TPO: variants seen among roughly 807,000 people sequenced by gnomAD.
TPO encodes the protein thyroid microsomal antigen.
A neutral mutation model predicts 96.9 loss-of-function variants in TPO; 78 were observed. That is an observed-to-expected ratio of 0.81 (90% CI 0.67 to 0.97). The LOEUF (loss-of-function observed/expected upper bound fraction) is 0.97, where lower values mean the gene tolerates loss of function less well. TPO is among the 50% of genes least tolerant of loss of function. The pLI, the probability that TPO is intolerant of heterozygous loss-of-function variation, is 0.00. For missense variants in TPO, 1,252 were observed against 1,274.8 expected (o/e 0.98, Z 0.27); for synonymous variants, 547 against 538.0 (o/e 1.02, Z -0.23).
chr2:1,419,611 TGGCAA>T (rs937406560), intron 2 of TPO, among the ~76,000 whole-genome samples: 20 of 152,204 alleles, frequency 1.3e-4, no homozygotes, highest in African/African-American at 4.8e-4. Flanking sequence ...GGCATTTGTG[TGGCAA>T]ACCTCTGCAG....
chr2:1,518,505 G>T (rs1674936314), intron 15 of TPO, among the ~76,000 whole-genome samples: 1 of 152,212 alleles, frequency 6.6e-6, no homozygotes, highest in African/African-American at 2.4e-5. Flanking sequence ...CTGAGATATG[G>T]TAGTAAAGCC....
chr2:1,488,372 A>G (rs1200343875), intron 10 of TPO, among the ~76,000 whole-genome samples: 4 of 152,152 alleles, frequency 2.6e-5, no homozygotes, highest in South Asian at 2.1e-4. Context: ...AAGGTCCCAG[A>G]GCCTGCAAAG....
At position 1,542,731 on chromosome 2, in the gene TPO, A is replaced by G. The variant is rs1362585245; in HGVS notation, c.*257A>G. ...ATTAAAATGTATTTACAGATTACAC[A>G]TCTTTATTTTGTGAACCCTGGAAAC... On this transcript the variant is annotated 3_prime_UTR_variant, in exon 17 of 17. Coordinates refer to ENST00000329066, the MANE Select transcript of TPO (RefSeq NM_001206744.2). 2 of 1,073,556 alleles carry G rather than the reference A, an allele frequency of 1.9e-6. No individual in the cohort carries two copies. The highest frequency in any genetic ancestry group is 2.6e-6 in the Non-Finnish European group (2 of 758,270). 66.5% of individuals were successfully genotyped at this position (1,073,556 alleles called of 1,614,324 possible). A position where few individuals can be genotyped will look rare whatever the true frequency, so the allele number is the denominator to read the frequency against.
chr2:1,398,166 C>T (rs1662114281), intron 1 of TPO, among the ~76,000 whole-genome samples: 1 of 152,168 alleles, frequency 6.6e-6, no homozygotes, highest in Admixed American at 6.5e-5. Flanking sequence ...AGGACTGTGG[C>T]CAGGGCTTCT....
chr2:1,452,563 G>T (rs1667403556), intron 5 of TPO, among the ~76,000 whole-genome samples: 1 of 152,202 alleles, frequency 6.6e-6, no homozygotes, highest in South Asian at 2.1e-4. Context: ...CTAGAAACCT[G>T]CTCCTGTGAC....
chr2:1,482,152 A>T lies in TPO; in HGVS notation c.1339-2444A>T, dbSNP rs562019559. Among the ~76,000 whole-genome samples, 26 of 152,324 alleles carry T rather than the reference A, an allele frequency of 1.7e-4. No homozygotes were observed. The South Asian group carries it at 5.4e-3, about 32-fold the overall frequency. ...AGTCGAGAGTCAGAAAGTTCAGAGG[A>T]GCCTGTGCCAGGGGCTACGCGGCTG... On this transcript the variant is annotated intron_variant, in intron 8 of 16. Transcript: ENST00000329066.
intron 1 of TPO, among the ~76,000 whole-genome samples, chr2:1,381,802 G>A (rs1661814811): frequency 1.3e-5 from 2 of 152,152 alleles, no homozygotes; most frequent in South Asian, 4.1e-4. Context: ...CATGTAGTTT[G>A]GACATGCGCC....
intron 1 of TPO, among the ~76,000 whole-genome samples, chr2:1,397,951 C>G (rs1662109745): frequency 1.3e-5 from 2 of 152,200 alleles, no homozygotes; most frequent in South Asian, 4.1e-4. Flanking sequence ...TCCAAATATG[C>G]ACCTTGTGCA....
At chr2:1,524,065 C>A (rs1267763740) in intron 15 of TPO, among the ~76,000 whole-genome samples, 6 of 123,970 alleles carry the variant, frequency 4.8e-5, no homozygotes, top group Non-Finnish European at 8.2e-5. Flanking sequence ...GCAACAACAC[C>A]AAATCCTGCC....
intron 15 of TPO, among the ~76,000 whole-genome samples, chr2:1,537,196 C>G (rs1336177226): frequency 8.0e-6 from 1 of 125,442 alleles, no homozygotes; most frequent in Non-Finnish European, 1.7e-5. Flanking sequence ...GCAACCTCCC[C>G]AAATCCCCCC....
chr2:1,448,352 T>A (rs776374604), intron 5 of TPO, among the ~76,000 whole-genome samples: 1 of 152,144 alleles, frequency 6.6e-6, no homozygotes, highest in Non-Finnish European at 1.5e-5. Flanking sequence ...CCTCCTTTCC[T>A]CTTCCCTGAG....
chr2:1,411,631 A>G (rs1156503396), upstream of TPO, among the ~76,000 whole-genome samples: 1 of 152,216 alleles, frequency 6.6e-6, no homozygotes, highest in Non-Finnish European at 1.5e-5. Context: ...CGGAGGTCAT[A>G]GATCCAAATG....
chr2:1,474,240 A>G (rs1215768106), intron 7 of TPO, among the ~76,000 whole-genome samples: 1 of 152,220 alleles, frequency 6.6e-6, no homozygotes, highest in African/African-American at 2.4e-5. Context: ...TACCTATGAT[A>G]TTAATTTTTC....
chr2:1,534,254 C>A (rs990090052), intron 15 of TPO, among the ~76,000 whole-genome samples: 3 of 120,612 alleles, frequency 2.5e-5, no homozygotes, highest in Admixed American at 9.1e-5. Context: ...TCACTCAGAG[C>A]AACCTTCTCA....
chr2:1,461,960 G>T (rs1036105146), intron 7 of TPO, among the ~76,000 whole-genome samples: 3 of 152,186 alleles, frequency 2.0e-5, no homozygotes, highest in Non-Finnish European at 4.4e-5. Context: ...CTCCCTACTG[G>T]ATCTCAAGGG....
chr2:1,540,828 T>TC (rs775605863), intron 16 of TPO, 105 bp downstream of exon 16: 3 of 1,593,766 alleles, frequency 1.9e-6, no homozygotes, highest in Non-Finnish European at 2.6e-6. Flanking sequence ...TTCTGTTTAC[T>TC]CCGTGTTTCC....
intron 1 of TPO, among the ~76,000 whole-genome samples, chr2:1,378,231 G>C (rs1661753075): frequency 1.3e-5 from 2 of 152,198 alleles, no homozygotes; most frequent in South Asian, 4.1e-4. Context: ...CTAATACACT[G>C]CCTGTTTATA....
chr2:1,442,663 G>A (rs185783775), intron 5 of TPO, among the ~76,000 whole-genome samples: 245 of 152,252 alleles, frequency 1.6e-3, no homozygotes, highest in African/African-American at 5.5e-3. Flanking sequence ...AATAGAAGAC[G>A]AAATTCCAGC....
chr2:1,537,121 C>G (rs56699716), intron 15 of TPO, among the ~76,000 whole-genome samples: 1 of 99,406 alleles, frequency 1.0e-5, no homozygotes, highest in Non-Finnish European at 2.0e-5. Context: ...CTAGATCCCC[C>G]CTATGTGCAA....
Sources: allele counts gnomAD v4.1 joint callset (sites outside exome capture counted in the v4.1 genomes callset), GRCh38; gene constraint gnomAD v4.1.1; transcripts MANE v1.5; gene names NCBI Gene and HGNC (gene_info 2026-07-23, HGNC 2026-07-21).